TDP1: variants seen among roughly 807,000 people sequenced by gnomAD.
The protein encoded by TDP1 is tyr-DNA phosphodiesterase 1.
A neutral mutation model predicts 81.5 loss-of-function variants in TDP1; 64 were observed. The ratio of observed to expected loss-of-function variants is 0.79; its 90% CI spans 0.64 to 0.97. TDP1 has a LOEUF of 0.97. Ranked by LOEUF, TDP1 falls within the 50% of genes least tolerant of loss-of-function variation. TDP1 has a pLI of 0.00. For synonymous variants in TDP1, 256 were observed against 264.3 expected (o/e 0.97, Z 0.30); for missense variants, 723 against 743.8 (o/e 0.97, Z 0.33).
At chr14:90,006,713 G>GT (rs938912706) in intron 14 of TDP1, among the ~76,000 whole-genome samples, 1 of 151,938 alleles carries the variant, frequency 6.6e-6, no homozygotes, top group Non-Finnish European at 1.5e-5. Context: ...ATTTTTTTGT[G>GT]TTTTTAGTAG....
chr14:89,992,841 G>A, intron 13 of TDP1: 1 of 628,398 alleles, frequency 1.6e-6, no homozygotes, highest in Non-Finnish European at 2.0e-6. Flanking sequence ...TAGAACCATA[G>A]TCTGCAATAT....
At chr14:89,957,346 C>A (rs1391843404) in intron 2 of TDP1, among the ~76,000 whole-genome samples, 1 of 152,172 alleles carries the variant, frequency 6.6e-6, no homozygotes, top group South Asian at 2.1e-4. Context: ...ATAATAGCTG[C>A]CCAGTAAGTT....
intron 14 of TDP1, among the ~76,000 whole-genome samples, chr14:90,010,360 A>C (rs901785099): frequency 4.6e-5 from 7 of 152,246 alleles, no homozygotes; most frequent in African/African-American, 1.7e-4. Context: ...ATTGTAATAT[A>C]TGAAAAGCAC....
intron 6 of TDP1, among the ~76,000 whole-genome samples, chr14:89,973,928 AAGAC>A (rs1278204712): frequency 1.3e-5 from 2 of 152,064 alleles, no homozygotes; most frequent in Non-Finnish European, 2.9e-5. Context: ...GAGAGGGAGG[AAGAC>A]AGACACATAG....
At chr14:89,977,155 G>A (rs1041136565) in intron 7 of TDP1, among the ~76,000 whole-genome samples, 11 of 152,016 alleles carry the variant, frequency 7.2e-5, no homozygotes, top group Middle Eastern at 3.2e-3. Flanking sequence ...ACCCTGTCTC[G>A]AAAACAAAAG....
At chr14:90,015,572 T>C (rs1478743314) in intron 14 of TDP1, among the ~76,000 whole-genome samples, 1 of 152,220 alleles carries the variant, frequency 6.6e-6, no homozygotes, top group East Asian at 1.9e-4. Flanking sequence ...CTTATAAATA[T>C]ATTTCATAGT....
chr14:89,987,013 G>T (rs1228896384), intron 10 of TDP1: 1 of 152,236 alleles, frequency 6.6e-6, no homozygotes, highest in East Asian at 1.9e-4. Flanking sequence ...AGCAGGAAAT[G>T]CAGATCAGTC....
At chr14:90,035,101 G>A (rs1276028361) in intron 16 of TDP1, among the ~76,000 whole-genome samples, 1 of 150,968 alleles carries the variant, frequency 6.6e-6, no homozygotes, top group Non-Finnish European at 1.5e-5. Flanking sequence ...AGCTTTCATG[G>A]TGAACCAAGC....
At chr14:90,024,387 G>A (rs1886420724) in intron 15 of TDP1, among the ~76,000 whole-genome samples, 1 of 152,142 alleles carries the variant, frequency 6.6e-6, no homozygotes, top group Non-Finnish European at 1.5e-5. Context: ...AGAACCTGGG[G>A]CTCAGCACAT....
At chr14:90,029,030 G>C (rs1413273946) in intron 15 of TDP1, among the ~76,000 whole-genome samples, 1 of 151,836 alleles carries the variant, frequency 6.6e-6, no homozygotes, top group African/African-American at 2.4e-5. Flanking sequence ...CAAATACCAG[G>C]GTTTCTAGAA....
At chr14:89,987,732 A>T (rs1895727744) in intron 10 of TDP1, among the ~76,000 whole-genome samples, 1 of 152,158 alleles carries the variant, frequency 6.6e-6, no homozygotes, top group Admixed American at 6.5e-5. Context: ...TCTGCTCTGG[A>T]GCTTCTAAGC....
chr14:89,994,819 A>G (rs1377775677), intron 14 of TDP1, among the ~76,000 whole-genome samples: 1 of 152,202 alleles, frequency 6.6e-6, no homozygotes, highest in Admixed American at 6.5e-5. Context: ...CCTGAGAGAA[A>G]ACCCAGACGG....
At chr14:90,005,011 G>C (rs1026439082) in intron 14 of TDP1, among the ~76,000 whole-genome samples, 9 of 152,158 alleles carry the variant, frequency 5.9e-5, no homozygotes, top group African/African-American at 2.2e-4. Context: ...ATGGGACTCA[G>C]GAAAACAAAG....
At chr14:89,981,521 G>T (rs1307693748) in intron 8 of TDP1, 1 of 453,198 alleles carries the variant, frequency 2.2e-6, no homozygotes, top group African/African-American at 2.0e-5. Context: ...AGCCTTCTGT[G>T]TTGGGAGAAA....
At chr14:89,962,798 G>A (rs1892481852) in intron 2 of TDP1, 1 of 392,780 alleles carries the variant, frequency 2.5e-6, no homozygotes, top group Non-Finnish European at 3.5e-6. Flanking sequence ...CTTGAGCCCA[G>A]GAGGCAGATG....
intron 14 of TDP1, among the ~76,000 whole-genome samples, chr14:90,016,871 C>T (rs1380191164): frequency 1.3e-5 from 2 of 152,152 alleles, no homozygotes; most frequent in Non-Finnish European, 2.9e-5. Flanking sequence ...ACCATGGGAC[C>T]TCCAGAGTTC....
At chr14:90,016,876 G>A (rs1362552058) in intron 14 of TDP1, among the ~76,000 whole-genome samples, 1 of 152,158 alleles carries the variant, frequency 6.6e-6, no homozygotes, top group Admixed American at 6.5e-5. Context: ...GGGACCTCCA[G>A]AGTTCTACCC....
intron 7 of TDP1, among the ~76,000 whole-genome samples, chr14:89,976,379 C>T (rs1303878644): frequency 2.0e-5 from 3 of 152,124 alleles, no homozygotes; most frequent in Non-Finnish European, 4.4e-5. Context: ...GGATTACAGG[C>T]ATGAGCCCCT....
At chr14:90,028,339 T>C (rs982075720) in intron 15 of TDP1, among the ~76,000 whole-genome samples, 1 of 152,258 alleles carries the variant, frequency 6.6e-6, no homozygotes, top group South Asian at 2.1e-4. Flanking sequence ...GCTACTCGGA[T>C]AGCTGCAAAT....
Sources: gnomAD v4.1 joint callset for allele counts (sites outside exome capture counted in the v4.1 genomes callset) on GRCh38, gnomAD v4.1.1 for gene constraint, MANE v1.5 for transcripts, NCBI Gene and HGNC (gene_info 2026-07-23, HGNC 2026-07-21) for gene names.